The following PPTC7 variants were observed in gnomAD, a reference collection of about 807,000 sequenced individuals.
PPTC7 encodes the protein protein phosphatase PTC7 homolog.
A neutral mutation model predicts 30.8 loss-of-function variants in PPTC7; 6 were observed. The observed-to-expected ratio is 0.19, with a 90% CI of 0.11 to 0.38. PPTC7 has a LOEUF of 0.38. PPTC7 is among the 10% of genes least tolerant of loss of function. PPTC7 has a pLI of 1.00. For missense variants in PPTC7, 218 were observed against 404.8 expected (o/e 0.54, Z 3.96); for synonymous variants, 163 against 168.1 (o/e 0.97, Z 0.23).
chr12:110,563,615 CA>C (rs199927043), intron 1 of PPTC7, among the ~76,000 whole-genome samples: 8,767 of 122,812 alleles, frequency 0.071, 330 homozygotes, highest in African/African-American at 0.13. Context: ...AAATCTGTCT[CA>C]AAAAAAAAAA....
At position 110,539,898 on chromosome 12, in the gene PPTC7, A is replaced by G; in HGVS notation, c.650T>C (p.Ile217Thr). 1 of 1,614,140 alleles carries G rather than the reference A, an allele frequency of 6.2e-7. No homozygotes were observed. The highest frequency in any genetic ancestry group is 8.5e-7 in the Non-Finnish European group (1 of 1,179,998). Residue 217 changes from isoleucine to threonine, a missense_variant, in exon 4 of 6, where the codon ATT becomes ACT. Ile to Thr is a moderately conservative substitution (Grantham distance 89, BLOSUM62 -1). Transcript: ENST00000354300. The part of the protein sequence containing the change: ...STSFDVQLGD[I>T]ILTATDGLFD... ...GAGTCCATCTGTTGCCGTCAGGATAATGTCTCCTAGCTGGACATCGAAAGA... is the reference window on the plus strand; with the variant it reads ...GAGTCCATCTGTTGCCGTCAGGATAGTGTCTCCTAGCTGGACATCGAAAGA...
At chr12:110,578,027 G>A (rs945086996) in intron 1 of PPTC7, among the ~76,000 whole-genome samples, 3 of 152,168 alleles carry the variant, frequency 2.0e-5, no homozygotes, top group African/African-American at 7.2e-5. Flanking sequence ...ACGGGGACAG[G>A]ACTGGGAAAG....
At chr12:110,570,220 G>A (rs2064522459) in intron 1 of PPTC7, among the ~76,000 whole-genome samples, 1 of 146,066 alleles carries the variant, frequency 6.8e-6, no homozygotes, top group Non-Finnish European at 1.5e-5. Context: ...AGAGTTGAAT[G>A]GATTAAGGGC....
At chr12:110,574,889 A>C in intron 1 of PPTC7, among the ~76,000 whole-genome samples, 1 of 148,918 alleles carries the variant, frequency 6.7e-6, no homozygotes, top group Non-Finnish European at 1.5e-5. Flanking sequence ...AGCGATTCTC[A>C]TGTCTCAGCC....
intron 1 of PPTC7, among the ~76,000 whole-genome samples, chr12:110,572,858 C>CT (rs929706663): frequency 2.0e-5 from 3 of 151,632 alleles, no homozygotes; most frequent in African/African-American, 7.3e-5. Flanking sequence ...CTATCGTAAT[C>CT]TTTTTTAAGT....
intron 1 of PPTC7, among the ~76,000 whole-genome samples, chr12:110,573,362 G>A (rs370948778): frequency 1.3e-5 from 2 of 152,152 alleles, no homozygotes; most frequent in East Asian, 1.9e-4. Context: ...TTTAGTAACT[G>A]ATGGGCTATA....
chr12:110,562,032 G>A (rs1298161717), intron 1 of PPTC7, among the ~76,000 whole-genome samples: 1 of 151,974 alleles, frequency 6.6e-6, no homozygotes, highest in African/African-American at 2.4e-5. Flanking sequence ...ACGGAGAGTC[G>A]CTTGAGCCAG....
In PPTC7 at chr12:110,582,927, T is replaced by C. The variant is rs2135803460; in HGVS notation, c.105A>G (p.Gly35=). 6.5e-7 allele frequency: 1 copy of C among 1,548,002 alleles called. No homozygotes were observed. The highest frequency in any genetic ancestry group is 8.7e-7 in the Non-Finnish European group (1 of 1,146,380). Residue 35 remains glycine, a synonymous_variant, in exon 1 of 6, where the codon GGA becomes GGG. Transcript: ENST00000354300. ...RAGGGGGGDY[G]LVTAGCGFGK... is the part of the protein sequence containing the mutation. ...CGAAGCCGCAGCCGGCCGTCACCAGTCCGTAGTCGCCGCCGCCGCCGCCGC... is the reference window on the plus strand; with the variant it reads ...CGAAGCCGCAGCCGGCCGTCACCAGCCCGTAGTCGCCGCCGCCGCCGCCGC...
rs767665831 is a variant in PPTC7 at position 110,551,664 on chromosome 12, C to T, written c.403+125G>A. 1.0e-4 allele frequency: 90 copies of T among 888,696 alleles called. 1 individual carries two copies. In the Middle Eastern group the frequency reaches 1.2e-3, roughly 12 times the overall value. The allele number at this position is 888,696 out of a possible 1,614,324, so 55.1% of individuals were successfully genotyped here. A position where few individuals can be genotyped will look rare whatever the true frequency, so the allele number is the denominator to read the frequency against. On this transcript the variant is annotated intron_variant, in intron 2 of 5. Coordinates refer to ENST00000354300, the MANE Select transcript of PPTC7 (RefSeq NM_139283.2). The stretch of plus-strand genomic sequence containing the variant: ...GCCCAGCGGTTAGCCTATAGTTTCT[C>T]TATCACACTCTGCTTAGTAGGAAGA...
rs1268698550 is a variant in PPTC7 at position 110,559,834 on chromosome 12, G to A, written c.224-7866C>T. On this transcript the variant is annotated intron_variant, in intron 1 of 5. Coordinates refer to ENST00000354300, the MANE Select transcript of PPTC7 (RefSeq NM_139283.2). ...TGCGGCCTCAAACTCCTGAGCTCAA[G>A]AGATTCTCCCATTTCAGCCTCCTGA... is the stretch of plus-strand genomic sequence containing the variant. 2.0e-5 allele frequency among the ~76,000 whole-genome samples: 3 copies of A among 151,984 alleles called. No homozygotes were observed. The East Asian group carries it at 5.8e-4, about 29-fold the overall frequency.
intron 2 of PPTC7, among the ~76,000 whole-genome samples, chr12:110,548,229 G>GA (rs1371877607): frequency 6.6e-6 from 1 of 151,804 alleles, no homozygotes; most frequent in South Asian, 2.1e-4. Flanking sequence ...CATACACACA[G>GA]AAAAAAAATC....
At chr12:110,539,753 C>A in intron 4 of PPTC7, 69 bp downstream of exon 4, 1 of 1,444,050 alleles carries the variant, frequency 6.9e-7, no homozygotes, top group South Asian at 1.3e-5. Flanking sequence ...GATAATGCAA[C>A]TGAATCCATA....
In PPTC7 at chr12:110,583,180, C is replaced by T; in HGVS notation, c.-149G>A. ...AGTGGCCGCCGCCGCCCCTGCCCGA[C>T]GCGCGGGGCCTCGCACGCGCTCAGC... On this transcript the variant is annotated 5_prime_UTR_variant, in exon 1 of 6. Transcript: ENST00000354300. 1 of 345,620 alleles carries T rather than the reference C, an allele frequency of 2.9e-6. No individual in the cohort carries two copies. Among genetic ancestry groups the T allele is most frequent in the Admixed American group, 5.5e-5 (1 of 18,208 alleles). 21.4% of individuals were successfully genotyped at this position (345,620 alleles called of 1,614,324 possible).
rs1258434471 is a variant in PPTC7, at chr12:110,536,893, C to T, written c.*144G>A. ...TAGTGGTTCTCAACAAAGATCTCAA[C>T]GAGTCTCAAGAAGACAGGCAAAAGA... On this transcript the variant is annotated 3_prime_UTR_variant, in exon 6 of 6. Coordinates refer to ENST00000354300, the MANE Select transcript of PPTC7 (RefSeq NM_139283.2). The T allele has an allele frequency of 9.1e-6, 6 of 657,436 alleles. No individual in the cohort carries two copies. Among genetic ancestry groups the T allele is most frequent in the South Asian group, 2.0e-5 (1 of 48,866 alleles). 40.7% of individuals were successfully genotyped at this position (657,436 alleles called of 1,614,324 possible).
rs528028907 is a variant in PPTC7 at position 110,578,974 on chromosome 12, C to G, written c.223+3835G>C. Among the ~76,000 whole-genome samples the G allele has an allele frequency of 3.3e-5, 5 of 152,208 alleles. No homozygotes were observed. The South Asian group carries it at 1.0e-3, about 32-fold the overall frequency. On this transcript the variant is annotated intron_variant, in intron 1 of 5. Coordinates refer to ENST00000354300, the MANE Select transcript of PPTC7 (RefSeq NM_139283.2). The stretch of plus-strand genomic sequence containing the variant: ...CAGCCTAGGCAACGTGGCGAAACCT[C>G]ATCTCTACTAAAAAAATACAAACAA...
At position 110,583,240 on chromosome 12, in the gene PPTC7, G is replaced by C. The variant is rs1230698554; in HGVS notation, c.-209C>G. The C allele has an allele frequency of 5.4e-6, 1 of 186,468 alleles. No homozygotes were observed. Among genetic ancestry groups the C allele is most frequent in the African/African-American group, 2.4e-5 (1 of 41,658 alleles). 11.6% of individuals were successfully genotyped at this position (186,468 alleles called of 1,614,324 possible). A position where few individuals can be genotyped will look rare whatever the true frequency, so the allele number is the denominator to read the frequency against. On this transcript the variant is annotated 5_prime_UTR_variant, in exon 1 of 6. Transcript: ENST00000354300. The stretch of plus-strand genomic sequence containing the variant: ...CGGAGCCAGAGCGAGGTCAGAAGCG[G>C]CGGCTCCTCCGCCTCAGCCCAACTG...
chr12:110,554,809 C>A (rs1189108533), intron 1 of PPTC7, among the ~76,000 whole-genome samples: 1 of 152,032 alleles, frequency 6.6e-6, no homozygotes, highest in African/African-American at 2.4e-5. Flanking sequence ...CTTTAAATGG[C>A]CTTTCTGGAA....
At chr12:110,551,011 G>A (rs545330412) in intron 2 of PPTC7, among the ~76,000 whole-genome samples, 1 of 152,254 alleles carries the variant, frequency 6.6e-6, no homozygotes, top group Admixed American at 6.5e-5. Context: ...ACTGTCAGGT[G>A]GAATTCTGCA....
intron 1 of PPTC7, among the ~76,000 whole-genome samples, chr12:110,581,483 G>A (rs748625831): frequency 6.6e-6 from 1 of 151,982 alleles, no homozygotes; most frequent in African/African-American, 2.4e-5. Context: ...AGGGAAGACA[G>A]CCACTGACAG....
Sources: gnomAD v4.1 joint callset for allele counts (sites outside exome capture counted in the v4.1 genomes callset) on GRCh38, gnomAD v4.1.1 for gene constraint, MANE v1.5 for transcripts, NCBI Gene and HGNC (gene_info 2026-07-23, HGNC 2026-07-21) for gene names.